Variants in TMTC1 observed in about 807,000 individuals in gnomAD.
TMTC1 encodes protein O-mannosyl-transferase TMTC1.
TMTC1 carries 73 observed loss-of-function variants against 104.8 expected under a neutral mutation model. That is an observed-to-expected ratio of 0.70 (90% CI 0.58 to 0.85). The LOEUF (loss-of-function observed/expected upper bound fraction) is 0.85. TMTC1 is among the 40% of genes least tolerant of loss of function. TMTC1 has a pLI of 0.00. For synonymous variants in TMTC1, 434 were observed against 428.7 expected (o/e 1.01, Z -0.15); for missense variants, 1,035 against 1,096.1 (o/e 0.94, Z 0.79).
Position 29,572,139 on chromosome 12 carries a change from T to C in TMTC1, c.1498A>G (p.Lys500Glu). 1 of 1,613,982 alleles carries C rather than the reference T, an allele frequency of 6.2e-7. No individual in the cohort carries two copies. The highest frequency in any genetic ancestry group is 2.2e-5 in the East Asian group (1 of 44,866). Residue 500 changes from lysine (K) to glutamate (E), a missense_variant, in exon 9 of 18, where the codon AAG becomes GAG. Coordinates refer to ENST00000539277, the MANE Select transcript of TMTC1 (RefSeq NM_001193451.2). ...GTTCTGTAGTGGTAGATCGCTTCCT[T>C]GTTCCGACCTTGGTCCTTCAGGAAA... Reference protein sequence around the residue: ...ANFLKDQGRNKEAIYHYRTAL... With the variant: ...ANFLKDQGRNEEAIYHYRTAL...
intron 6 of TMTC1, among the ~76,000 whole-genome samples, chr12:29,620,730 C>T (rs1383221413): frequency 6.6e-6 from 1 of 152,178 alleles, no homozygotes; most frequent in Non-Finnish European, 1.5e-5. Flanking sequence ...TGGAGCATGG[C>T]CTATGGGCCA....
chr12:29,779,288 T>C (rs770505562), intron 1 of TMTC1, among the ~76,000 whole-genome samples: 17 of 152,204 alleles, frequency 1.1e-4, no homozygotes, highest in Non-Finnish European at 2.4e-4. Context: ...CTTGCAGAAA[T>C]TTTTCTTATG....
chr12:29,542,346 C>A (rs772001491), intron 10 of TMTC1, among the ~76,000 whole-genome samples: 5 of 152,090 alleles, frequency 3.3e-5, no homozygotes, highest in Non-Finnish European at 5.9e-5. Context: ...TCTTGGGGAT[C>A]CCTGCATAGG....
At chr12:29,514,911 G>A (rs373583616) in intron 15 of TMTC1, among the ~76,000 whole-genome samples, 2 of 152,196 alleles carry the variant, frequency 1.3e-5, no homozygotes, top group African/African-American at 4.8e-5. Context: ...CTACTGGGGG[G>A]GCTGAGATGG....
At chr12:29,615,613 C>G (rs1187024900) in intron 6 of TMTC1, among the ~76,000 whole-genome samples, 7 of 152,238 alleles carry the variant, frequency 4.6e-5, no homozygotes. Flanking sequence ...AATGGCCTTG[C>G]AGGGTCCCTC....
chr12:29,670,054 C>T (rs1200555059), intron 5 of TMTC1, among the ~76,000 whole-genome samples: 1 of 152,128 alleles, frequency 6.6e-6, no homozygotes, highest in East Asian at 1.9e-4. Context: ...TGTTGCAAAC[C>T]AAAGACTAAA....
chr12:29,660,843 C>T (rs201029987), intron 5 of TMTC1: 1 of 1,501,348 alleles, frequency 6.7e-7, no homozygotes, highest in East Asian at 2.5e-5. Flanking sequence ...AAAATGGTCT[C>T]ATGGTAAGCA....
intron 8 of TMTC1, among the ~76,000 whole-genome samples, chr12:29,573,328 G>A (rs533515209): frequency 6.6e-6 from 1 of 152,254 alleles, no homozygotes; most frequent in Non-Finnish European, 1.5e-5. Context: ...TCATTAAAAA[G>A]GATCAATTCC....
chr12:29,753,167 G>A (rs1452295787), intron 4 of TMTC1, among the ~76,000 whole-genome samples: 1 of 152,190 alleles, frequency 6.6e-6, no homozygotes, highest in African/African-American at 2.4e-5. Flanking sequence ...GAACCACCTA[G>A]TGCTAAGATG....
At chr12:29,653,245 G>C (rs1939606089) in intron 5 of TMTC1, among the ~76,000 whole-genome samples, 2 of 152,116 alleles carry the variant, frequency 1.3e-5, no homozygotes, top group African/African-American at 2.4e-5. Context: ...AGAGTAAACT[G>C]TGAGGACAGA....
intron 8 of TMTC1, among the ~76,000 whole-genome samples, chr12:29,577,222 A>G (rs1945848895): frequency 6.6e-6 from 1 of 152,178 alleles, no homozygotes; most frequent in Non-Finnish European, 1.5e-5. Flanking sequence ...CTAAAAACAG[A>G]GATCAGCATC....
In TMTC1 at chr12:29,684,525, A is replaced by G. The variant is rs1182549166; in HGVS notation, c.939-51189T>C. ...AATAAGTTCCTCTAAACAAATTCATATCTGATTCATTTCCTAATGTTAAGA... is the reference window on the plus strand; with the variant it reads ...AATAAGTTCCTCTAAACAAATTCATGTCTGATTCATTTCCTAATGTTAAGA... On this transcript the variant is annotated intron_variant, in intron 5 of 17. Transcript: ENST00000539277. 1.6e-4 allele frequency among the ~76,000 whole-genome samples: 24 copies of G among 152,202 alleles called. 1 individual carries two copies. Among genetic ancestry groups the G allele is most frequent in the Admixed American group, 1.6e-3 (24 of 15,278 alleles).
rs77662534 is a variant in TMTC1 at position 29,536,331 on chromosome 12, T to C, written c.1677-14A>G. 14,302 of 1,496,892 alleles carry C rather than the reference T, an allele frequency of 9.6e-3. 168 individuals carry two copies. The highest frequency in any genetic ancestry group is 0.043 in the Admixed American group (2,452 of 56,698). 92.7% of individuals were successfully genotyped at this position (1,496,892 alleles called of 1,614,324 possible). A position where few individuals can be genotyped will look rare whatever the true frequency, so the allele number is the denominator to read the frequency against. On this transcript the variant is annotated splice_polypyrimidine_tract_variant and intron_variant, in intron 10 of 17. Coordinates refer to ENST00000539277, the MANE Select transcript of TMTC1 (RefSeq NM_001193451.2). ...TTCTCCTGGGACCTATAGATAATAA[T>C]GAAGGGGTGGGGGAGAACATCTTTT... is the stretch of plus-strand genomic sequence containing the variant.
chr12:29,657,789 G>C (rs1399344237), intron 5 of TMTC1, among the ~76,000 whole-genome samples: 1 of 152,102 alleles, frequency 6.6e-6, no homozygotes, highest in African/African-American at 2.4e-5. Context: ...ATGATATAAA[G>C]CAAAGATCAC....
rs7503 is a variant in TMTC1 at position 29,501,239 on chromosome 12, G to A, written c.*5607C>T. ...TTTTAAGTGCACAAACTGCAAAATAGGAGTAACTACCTCTGCCATGTTCAA... is the reference window on the plus strand; with the variant it reads ...TTTTAAGTGCACAAACTGCAAAATAAGAGTAACTACCTCTGCCATGTTCAA... On this transcript the variant is annotated 3_prime_UTR_variant, in exon 18 of 18. Coordinates refer to ENST00000539277, the MANE Select transcript of TMTC1 (RefSeq NM_001193451.2). 92,846 of 152,042 alleles carry A rather than the reference G, an allele frequency of 0.61. 28,606 individuals are homozygous for A. Among genetic ancestry groups the A allele is most frequent in the African/African-American group, 0.69 (28,463 of 41,462 alleles). 9.4% of individuals were successfully genotyped at this position (152,042 alleles called of 1,614,324 possible).
chr12:29,764,569 C>A lies in TMTC1; in HGVS notation c.480+3329G>T, dbSNP rs139883325. On this transcript the variant is annotated intron_variant, in intron 2 of 17. Coordinates refer to ENST00000539277, the MANE Select transcript of TMTC1 (RefSeq NM_001193451.2). Reference sequence around the variant, plus strand: ...GGAAAGTACATCTCTTTTTCTATTTCTCTGTCCTCCTCCTACTTAGAAACT... The same window carrying A: ...GGAAAGTACATCTCTTTTTCTATTTATCTGTCCTCCTCCTACTTAGAAACT... Among the ~76,000 whole-genome samples the A allele has an allele frequency of 4.2e-3, 646 of 152,176 alleles. 2 individuals are homozygous for A. The highest frequency in any genetic ancestry group is 0.015 in the African/African-American group (627 of 41,528).
chr12:29,518,117 T>C (rs986494825), intron 13 of TMTC1, among the ~76,000 whole-genome samples: 3 of 152,244 alleles, frequency 2.0e-5, no homozygotes, highest in Admixed American at 6.5e-5. Flanking sequence ...GTCTTTCTCA[T>C]TAATTATGAT....
At position 29,556,973 on chromosome 12, in the gene TMTC1, GAGC is replaced by G; in HGVS notation, c.1557_1559del (p.Leu520del). The G allele has an allele frequency of 6.2e-7, 1 of 1,614,174 alleles. No individual in the cohort carries two copies. The highest frequency in any genetic ancestry group is 1.7e-5 in the Admixed American group (1 of 60,024). Reference sequence around the variant, plus strand: ...CTCTCGTCAGTGTTCCAAGGTTGTTGAGCGCACTTGCATGGCGTGGATACAACC... The same window carrying G: ...CTCTCGTCAGTGTTCCAAGGTTGTTGGCACTTGCATGGCGTGGATACAACC... On this transcript the variant is annotated inframe_deletion, in exon 10 of 18. Transcript: ENST00000539277.
chr12:29,621,118 T>C (rs1937650049), intron 6 of TMTC1, among the ~76,000 whole-genome samples: 1 of 152,198 alleles, frequency 6.6e-6, no homozygotes, highest in Non-Finnish European at 1.5e-5. Context: ...GAATGGGAAC[T>C]GAAAAGAGGA....
Sources: gnomAD v4.1 joint callset for allele counts (sites outside exome capture counted in the v4.1 genomes callset) on GRCh38, gnomAD v4.1.1 for gene constraint, MANE v1.5 for transcripts, NCBI Gene and HGNC (gene_info 2026-07-23, HGNC 2026-07-21) for gene names.